SLC39A11: variants seen among roughly 807,000 people sequenced by gnomAD.
SLC39A11 encodes zinc transporter ZIP11.
In SLC39A11, 33 loss-of-function variants were observed where a neutral mutation model predicts 36.1. The ratio of observed to expected loss-of-function variants is 0.91; its 90% CI spans 0.69 to 1.22. SLC39A11 has a LOEUF of 1.22. Ranked by LOEUF, SLC39A11 falls within the 50% of genes most tolerant of loss-of-function variation. SLC39A11 has a pLI of 0.00. For synonymous variants in SLC39A11, 166 were observed against 170.3 expected (o/e 0.97, Z 0.20); for missense variants, 432 against 430.3 (o/e 1.00, Z -0.03).
In SLC39A11 at chr17:73,062,475, A is replaced by AAAAAAAAAAAAAAAAAAACC. The variant is rs56021607; in HGVS notation, c.147+22332_147+22333insGGTTTTTTTTTTTTTTTTTT. ...AGAGCTTGTCTCAAAAAAAAAAAAAAAAACTTTAGGTGATACACTTCTGCT... is the reference window on the plus strand; with the variant it reads ...AGAGCTTGTCTCAAAAAAAAAAAAAAAAAAAAAAAAAAAAAAAACCAAACTTTAGGTGATACACTTCTGCT... On this transcript the variant is annotated intron_variant, in intron 3 of 9. Coordinates refer to ENST00000255559, the MANE Select transcript of SLC39A11 (RefSeq NM_139177.4). Among the ~76,000 whole-genome samples, 29 of 87,032 alleles carry AAAAAAAAAAAAAAAAAAACC rather than the reference A, an allele frequency of 3.3e-4. 2 individuals are homozygous for AAAAAAAAAAAAAAAAAAACC. The highest frequency in any genetic ancestry group is 8.9e-4 in the South Asian group (2 of 2,246). The allele number at this position is 87,032 out of a possible 152,430, so 57.1% of individuals were successfully genotyped here.
intron 7 of SLC39A11, among the ~76,000 whole-genome samples, chr17:72,666,997 A>C (rs1239608390): frequency 6.6e-6 from 1 of 152,218 alleles, no homozygotes; most frequent in African/African-American, 2.4e-5. Context: ...TTCAGAGCTG[A>C]TAATGTCCAG....
At chr17:72,762,966 T>C (rs2075641968) in intron 6 of SLC39A11, among the ~76,000 whole-genome samples, 1 of 152,206 alleles carries the variant, frequency 6.6e-6, no homozygotes, top group East Asian at 1.9e-4. Flanking sequence ...ATGTCCAGCA[T>C]GTGAGCATTG....
chr17:72,872,893 A>G (rs2146405792), intron 5 of SLC39A11, among the ~76,000 whole-genome samples: 1 of 151,916 alleles, frequency 6.6e-6, no homozygotes, highest in East Asian at 1.9e-4. Context: ...TGTCTCTACT[A>G]AAATACAAAA....
chr17:72,769,681 A>G (rs2144679279), intron 6 of SLC39A11, among the ~76,000 whole-genome samples: 1 of 152,074 alleles, frequency 6.6e-6, no homozygotes, highest in African/African-American at 2.4e-5. Flanking sequence ...ATTAGCTGCG[A>G]CTACAGGTGC....
chr17:72,961,706 G>T (rs1041057034), intron 4 of SLC39A11, among the ~76,000 whole-genome samples: 1 of 152,132 alleles, frequency 6.6e-6, no homozygotes, highest in South Asian at 2.1e-4. Flanking sequence ...CTTGGACACG[G>T]GGCGGGGAAC....
chr17:73,035,746 C>T (rs1220929146), intron 3 of SLC39A11, among the ~76,000 whole-genome samples: 1 of 151,300 alleles, frequency 6.6e-6, no homozygotes, highest in Admixed American at 6.6e-5. Context: ...CACCTGTAAT[C>T]CCAGCTACTC....
intron 5 of SLC39A11, among the ~76,000 whole-genome samples, chr17:72,892,334 C>G (rs896002995): frequency 2.7e-5 from 4 of 149,352 alleles, no homozygotes; most frequent in African/African-American, 9.9e-5. Flanking sequence ...TGCTTGAACT[C>G]AGGAGGTGGA....
intron 6 of SLC39A11, among the ~76,000 whole-genome samples, chr17:72,845,851 G>A (rs2079022934): frequency 6.6e-6 from 1 of 152,106 alleles, no homozygotes; most frequent in South Asian, 2.1e-4. Flanking sequence ...CATGCTTCTG[G>A]TGAAATCTAA....
chr17:72,884,857 G>A (rs1238716780), intron 5 of SLC39A11, among the ~76,000 whole-genome samples: 1 of 152,086 alleles, frequency 6.6e-6, no homozygotes, highest in Non-Finnish European at 1.5e-5. Context: ...ACTGGACAAG[G>A]GAACTCTAAA....
intron 4 of SLC39A11, among the ~76,000 whole-genome samples, chr17:72,965,112 G>T (rs551009608): frequency 1.3e-5 from 2 of 152,106 alleles, no homozygotes; most frequent in South Asian, 2.1e-4. Flanking sequence ...GTGGGGGAAG[G>T]GGGGAGGGAA....
At chr17:72,997,332 C>A (rs2089579390) in intron 4 of SLC39A11, among the ~76,000 whole-genome samples, 1 of 152,188 alleles carries the variant, frequency 6.6e-6, no homozygotes, top group Non-Finnish European at 1.5e-5. Context: ...CAGCTCACTG[C>A]AACCTCCGCC....
chr17:72,959,323 GTGTATATATATATATATATATATATATA>G (rs539627342), intron 4 of SLC39A11, among the ~76,000 whole-genome samples: 5 of 81,460 alleles, frequency 6.1e-5, no homozygotes, highest in Non-Finnish European at 1.2e-4. Context: ...GTGTGTGTGT[GTGTATATATATATATATATATATATATA>G]TATATATATA....
intron 9 of SLC39A11, among the ~76,000 whole-genome samples, chr17:72,648,050 C>G (rs542197251): frequency 6.6e-6 from 1 of 152,242 alleles, no homozygotes; most frequent in African/African-American, 2.4e-5. Context: ...CCAAAATAGG[C>G]TGGGAGCAGT....
chr17:72,835,232 C>A (rs1251179337), intron 6 of SLC39A11, among the ~76,000 whole-genome samples: 1 of 152,192 alleles, frequency 6.6e-6, no homozygotes, highest in Non-Finnish European at 1.5e-5. Context: ...ACAATGTTTT[C>A]AAACTCCTGC....
At chr17:72,862,192 T>C (rs1420768305) in intron 5 of SLC39A11, among the ~76,000 whole-genome samples, 3 of 152,142 alleles carry the variant, frequency 2.0e-5, no homozygotes, top group African/African-American at 7.2e-5. Flanking sequence ...AGACTTAAGG[T>C]TCCACACAGA....
intron 4 of SLC39A11, among the ~76,000 whole-genome samples, chr17:73,011,559 C>G (rs79300799): frequency 0.049 from 7,378 of 151,718 alleles, 220 homozygotes; most frequent in East Asian, 0.088. Flanking sequence ...AAAGATCATT[C>G]GTACAAAAAA....
chr17:72,884,237 C>T (rs1488989172), intron 5 of SLC39A11, among the ~76,000 whole-genome samples: 1 of 152,258 alleles, frequency 6.6e-6, no homozygotes, highest in African/African-American at 2.4e-5. Flanking sequence ...CAGCTTGGCT[C>T]ACAAAAGCAG....
intron 4 of SLC39A11, among the ~76,000 whole-genome samples, chr17:72,986,453 G>A (rs2088765380): frequency 6.6e-6 from 1 of 152,182 alleles, no homozygotes. Context: ...TCAGAAAGTC[G>A]AGTGTGACGC....
chr17:72,980,234 A>C (rs1485389273), intron 4 of SLC39A11, among the ~76,000 whole-genome samples: 2 of 152,200 alleles, frequency 1.3e-5, no homozygotes, highest in Non-Finnish European at 2.9e-5. Context: ...AGACAAAATC[A>C]ATAGCTTTTC....
Sources: allele counts gnomAD v4.1 joint callset (sites outside exome capture counted in the v4.1 genomes callset), GRCh38; gene constraint gnomAD v4.1.1; transcripts MANE v1.5; gene names NCBI Gene and HGNC (gene_info 2026-07-23, HGNC 2026-07-21).